MAGI2: variants seen among roughly 807,000 people sequenced by gnomAD.
MAGI2 encodes the protein membrane associated guanylate kinase, WW and PDZ domain containing 2, also known as membrane-associated guanylate kinase, WW and PDZ domain-containing protein 2.
A neutral mutation model predicts 133.3 loss-of-function variants in MAGI2; 35 were observed. The observed-to-expected ratio is 0.26, with a 90% CI of 0.20 to 0.35. MAGI2 has a LOEUF of 0.35. Ranked by LOEUF, MAGI2 falls within the 10% of genes least tolerant of loss-of-function variation. The probability of loss-of-function intolerance (pLI) is 1.00; values close to 1 mark genes in which losing one functional copy is unlikely to be tolerated. For missense variants in MAGI2, 1,636 were observed against 1,863.4 expected (o/e 0.88, Z 2.25); for synonymous variants, 729 against 710.6 (o/e 1.03, Z -0.41).
At chr7:78,881,614 A>G (rs1795844635) in intron 2 of MAGI2, among the ~76,000 whole-genome samples, 1 of 152,150 alleles carries the variant, frequency 6.6e-6, no homozygotes, top group African/African-American at 2.4e-5. Flanking sequence ...ATACTCTCAA[A>G]CCACAGTGGA....
At chr7:78,161,130 A>G (rs1474126083) in intron 15 of MAGI2, among the ~76,000 whole-genome samples, 1 of 152,206 alleles carries the variant, frequency 6.6e-6, no homozygotes, top group African/African-American at 2.4e-5. Flanking sequence ...TTCCATTTTT[A>G]CAGTCCATCT....
chr7:78,722,458 GTCACC>G (rs1054987607), intron 2 of MAGI2, among the ~76,000 whole-genome samples: 5 of 152,008 alleles, frequency 3.3e-5, no homozygotes, highest in African/African-American at 1.2e-4. Context: ...TATATTCATA[GTCACC>G]TTTCCATATT....
chr7:78,912,800 ATATATATATAT>A (rs1798509444), intron 2 of MAGI2, among the ~76,000 whole-genome samples: 3 of 139,128 alleles, frequency 2.2e-5, no homozygotes, highest in African/African-American at 8.5e-5. Context: ...TATATCATTC[ATATATATATAT>A]ATCATTCATA....
intron 9 of MAGI2, among the ~76,000 whole-genome samples, chr7:78,257,412 C>G (rs1336015865): frequency 6.6e-6 from 1 of 152,156 alleles, no homozygotes; most frequent in East Asian, 1.9e-4. Flanking sequence ...ACAGTTCATC[C>G]TCTGATCTTA....
At chr7:78,941,733 C>CACACACAA (rs148076593) in intron 2 of MAGI2, among the ~76,000 whole-genome samples, 6,640 of 117,670 alleles carry the variant, frequency 0.056, 132 homozygotes, top group South Asian at 0.065. Flanking sequence ...TTTCATCACA[C>CACACACAA]ACACACACAC....
chr7:78,410,325 T>C (rs928023447), intron 6 of MAGI2, among the ~76,000 whole-genome samples: 12 of 152,044 alleles, frequency 7.9e-5, no homozygotes, highest in African/African-American at 2.9e-4. Flanking sequence ...AAAAATAACA[T>C]TTTACATCTG....
At chr7:79,296,402 C>G (rs1049679905) in intron 1 of MAGI2, among the ~76,000 whole-genome samples, 4 of 152,136 alleles carry the variant, frequency 2.6e-5, no homozygotes, top group Admixed American at 2.6e-4. Context: ...TATTGTGGCA[C>G]TATTCATAAT....
intron 2 of MAGI2, among the ~76,000 whole-genome samples, chr7:78,646,455 G>A (rs546852422): frequency 1.3e-5 from 2 of 152,154 alleles, no homozygotes; most frequent in East Asian, 1.9e-4. Context: ...TATAATATTC[G>A]ACTATGTAAA....
Position 78,019,422 on chromosome 7 carries a change from C to A in MAGI2, c.4261G>T (p.Gly1421Cys). The part of the protein sequence containing the change: ...GPRPGPRPPG[G>C]APARKAAVAP... ...ACGGCGGCCTTGCGCGCCGGGGCGC[C>A]CCCCGGGGGTCGCGGGCCCGGCCGG... Residue 1421 changes from glycine to cysteine, a missense_variant, in exon 22 of 22, where the codon GGC becomes TGC. This residue lies in a region of MAGI2 where 354 missense variants were observed against 298.7 expected (regional missense o/e 1.19). Coordinates refer to ENST00000354212, the MANE Select transcript of MAGI2 (RefSeq NM_012301.4). The A allele has an allele frequency of 9.2e-7, 1 of 1,091,480 alleles. No homozygotes were observed. Among genetic ancestry groups the A allele is most frequent in the Non-Finnish European group, 1.1e-6 (1 of 899,856 alleles). 67.6% of individuals were successfully genotyped at this position (1,091,480 alleles called of 1,614,324 possible).
rs1796776115 is a variant in MAGI2, at chr7:78,400,673, A to G, written c.1046-31460T>C. Among the ~76,000 whole-genome samples the G allele has an allele frequency of 2.6e-5, 4 of 152,192 alleles. No individual in the cohort carries two copies. The South Asian group carries it at 8.3e-4, about 31-fold the overall frequency. On this transcript the variant is annotated intron_variant, in intron 6 of 21. Transcript: ENST00000354212. ...GATGAGCAGCGTTAATTCTGAGACA[A>G]ATTTAGCCTACTAATGACATCCGGG...
chr7:78,993,931 C>T (rs987812463), intron 2 of MAGI2, among the ~76,000 whole-genome samples: 24 of 152,206 alleles, frequency 1.6e-4, no homozygotes, highest in Non-Finnish European at 3.1e-4. Flanking sequence ...TTTGCTCAGT[C>T]ATCCCAGATA....
Position 78,164,868 on chromosome 7 carries a change from C to T in MAGI2, c.2596+3048G>A, listed in dbSNP as rs527381358. ...TGCCATTAGCTTGAATGTCTCAAAGCTGATCTGCTAAACATATAAATATTT... is the reference window on the plus strand; with the variant it reads ...TGCCATTAGCTTGAATGTCTCAAAGTTGATCTGCTAAACATATAAATATTT... On this transcript the variant is annotated intron_variant, in intron 15 of 21. Coordinates refer to ENST00000354212, the MANE Select transcript of MAGI2 (RefSeq NM_012301.4). 3.3e-5 allele frequency among the ~76,000 whole-genome samples: 5 copies of T among 152,272 alleles called. No individual in the cohort carries two copies. In the South Asian group the frequency reaches 1.0e-3, roughly 32 times the overall value.
intron 5 of MAGI2, among the ~76,000 whole-genome samples, chr7:78,494,089 G>A (rs905606333): frequency 7.9e-5 from 12 of 151,732 alleles, no homozygotes; most frequent in Non-Finnish European, 1.0e-4. Context: ...TGATTCTCCC[G>A]CCTCAGCCTC....
At chr7:78,321,793 T>G (rs1251271807) in intron 9 of MAGI2, among the ~76,000 whole-genome samples, 4 of 152,140 alleles carry the variant, frequency 2.6e-5, no homozygotes, top group Admixed American at 2.6e-4. Context: ...ACTAAAGAGC[T>G]TCTGCACTGC....
chr7:78,062,709 A>G (rs1189523737), intron 21 of MAGI2, among the ~76,000 whole-genome samples: 1 of 152,136 alleles, frequency 6.6e-6, no homozygotes, highest in East Asian at 1.9e-4. Context: ...AGTCCTTTCC[A>G]GGACTCCCCA....
intron 1 of MAGI2, among the ~76,000 whole-genome samples, chr7:79,223,566 G>A (rs1482488846): frequency 6.6e-6 from 1 of 151,892 alleles, no homozygotes; most frequent in Non-Finnish European, 1.5e-5. Flanking sequence ...AGTGGTTCAC[G>A]CCTATAATCC....
At chr7:78,399,574 G>A (rs924012363) in intron 6 of MAGI2, among the ~76,000 whole-genome samples, 1 of 152,126 alleles carries the variant, frequency 6.6e-6, no homozygotes, top group African/African-American at 2.4e-5. Context: ...GGAAGCTGAG[G>A]TGGGTGGATC....
intron 1 of MAGI2, among the ~76,000 whole-genome samples, chr7:79,253,857 A>G (rs967407989): frequency 3.9e-5 from 6 of 152,232 alleles, no homozygotes; most frequent in Admixed American, 3.3e-4. Flanking sequence ...AAATTTGAGA[A>G]CACAATAGAA....
chr7:78,483,294 T>C lies in MAGI2; in HGVS notation c.1045+6467A>G, dbSNP rs142255258. ...GATGTCAATATTATTTTAAAAGTTG[T>C]ATGCATTGAGGAGAAATGATAATAT... is the stretch of plus-strand genomic sequence containing the variant. On this transcript the variant is annotated intron_variant, in intron 6 of 21. Transcript: ENST00000354212. Among the ~76,000 whole-genome samples the C allele has an allele frequency of 5.3e-5, 8 of 152,062 alleles. No homozygotes were observed. The East Asian group carries it at 1.6e-3, about 30-fold the overall frequency.
Sources: gnomAD v4.1 joint callset for allele counts (sites outside exome capture counted in the v4.1 genomes callset) on GRCh38, gnomAD v4.1.1 for gene constraint, gnomAD v4.1.1 regional missense constraint, MANE v1.5 for transcripts, NCBI Gene and HGNC (gene_info 2026-07-23, HGNC 2026-07-21) for gene names.